Variants in ZNF236 observed in about 807,000 individuals in gnomAD.
ZNF236 encodes regulated by glucose.
A neutral mutation model predicts 191.2 loss-of-function variants in ZNF236; 50 were observed. The ratio of observed to expected loss-of-function variants is 0.26; its 90% CI spans 0.21 to 0.33. The LOEUF is 0.33. Among genes scored for constraint, ZNF236 ranks in the 10% least tolerant of loss-of-function variants. The pLI, the probability that ZNF236 is intolerant of heterozygous loss-of-function variation, is 1.00. For synonymous variants in ZNF236, 907 were observed against 928.8 expected (o/e 0.98, Z 0.43); for missense variants, 1,754 against 2,374.5 (o/e 0.74, Z 5.43).
intron 1 of ZNF236, among the ~76,000 whole-genome samples, chr18:76,827,690 A>G (rs966158134): frequency 6.6e-6 from 1 of 152,238 alleles, no homozygotes; most frequent in Non-Finnish European, 1.5e-5. Flanking sequence ...GAAGAGGCCC[A>G]CTGAAAGAAT....
At chr18:76,957,467 C>T (rs1404244190) in intron 28 of ZNF236, among the ~76,000 whole-genome samples, 2 of 152,232 alleles carry the variant, frequency 1.3e-5, no homozygotes, top group African/African-American at 4.8e-5. Context: ...TCCTCCCTCT[C>T]TGTCCTGAAG....
Position 76,956,186 on chromosome 18 carries a change from G to A in ZNF236, c.5112+4G>A. ...CAAGCGCGCCACGCACCTCAAGGTA[G>A]GCCCACTGTGCCAGGGCACAGCTGT... On this transcript the variant is annotated splice_donor_region_variant and intron_variant, in intron 28 of 30. Coordinates refer to ENST00000320610, the MANE Select transcript of ZNF236 (RefSeq NM_001306089.2). The A allele has an allele frequency of 1.3e-6, 2 of 1,545,020 alleles. No homozygotes were observed. The highest frequency in any genetic ancestry group is 4.9e-5 in the East Asian group (2 of 41,036).
rs572002906 is a variant in ZNF236, at chr18:76,843,567, G to A, written c.56-5959G>A. On this transcript the variant is annotated intron_variant, in intron 1 of 30. Coordinates refer to ENST00000320610, the MANE Select transcript of ZNF236 (RefSeq NM_001306089.2). ...CAGAGGTGGGCGGATCACGAGGTCA[G>A]GAGTTCGAGACCATCCTGACTAACA... Among the ~76,000 whole-genome samples, 107 of 146,046 alleles carry A rather than the reference G, an allele frequency of 7.3e-4. 1 individual carries two copies. The highest frequency in any genetic ancestry group is 1.4e-3 in the Non-Finnish European group (93 of 66,406).
chr18:76,843,803 A>AAAAAAAAAAAAAAAAAAAAAAG lies in ZNF236; in HGVS notation c.56-5721_56-5720insAAAAAAAAAAAAAAAAAAAGAA, dbSNP rs71172383. Among the ~76,000 whole-genome samples, 301 of 62,088 alleles carry AAAAAAAAAAAAAAAAAAAAAAG rather than the reference A, an allele frequency of 4.8e-3. 111 individuals are homozygous for AAAAAAAAAAAAAAAAAAAAAAG. The highest frequency in any genetic ancestry group is 5.9e-3 in the East Asian group (11 of 1,858). 40.7% of individuals were successfully genotyped at this position (62,088 alleles called of 152,430 possible). On this transcript the variant is annotated intron_variant, in intron 1 of 30. Coordinates refer to ENST00000320610, the MANE Select transcript of ZNF236 (RefSeq NM_001306089.2). ...AAAAAAAAAAAAAAAAAAAAAAAAA[A>AAAAAAAAAAAAAAAAAAAAAAG]AAGTAAAGAAGAGACCGGGCGCAGT...
At chr18:76,866,760 G>A (rs1398402555) in intron 3 of ZNF236, among the ~76,000 whole-genome samples, 2 of 152,196 alleles carry the variant, frequency 1.3e-5, no homozygotes, top group Non-Finnish European at 2.9e-5. Flanking sequence ...AGTGGCCTGT[G>A]ACTATACATG....
Position 76,919,919 on chromosome 18 carries a change from G to A in ZNF236, c.3418G>A (p.Val1140Ile). The A allele has an allele frequency of 6.2e-7, 1 of 1,614,188 alleles. No individual in the cohort carries two copies. The highest frequency in any genetic ancestry group is 8.5e-7 in the Non-Finnish European group (1 of 1,180,044). The change falls in exon 20 of 31, where the codon GTC becomes ATC. Residue 1140 changes from valine to isoleucine, a missense_variant. Around this residue, in one of 5 missense-constraint regions of ZNF236, gnomAD observed 641 missense variants for 869.6 expected, o/e 0.74. Transcript: ENST00000320610. This position sits in a 1 kb window ranked among gnomAD's most constrained non-coding sequence, Gnocchi z 5.3. Reference sequence around the variant, plus strand: ...GGAGAGCGCCACGGTGTCAGAGAAGGTCCTGGTGCAGTCCGCGGCAGAAAA... The same window carrying A: ...GGAGAGCGCCACGGTGTCAGAGAAGATCCTGGTGCAGTCCGCGGCAGAAAA... ...PQESATVSEK[V>I]LVQSAAEKDR... is the part of the protein sequence containing the mutation.
At chr18:76,955,660 C>T (rs1191909018) in intron 27 of ZNF236, among the ~76,000 whole-genome samples, 4 of 152,172 alleles carry the variant, frequency 2.6e-5, no homozygotes, top group East Asian at 3.8e-4. Context: ...CATGAGGACG[C>T]GACCACGGAC....
At chr18:76,966,436 G>A (rs989003319) in intron 30 of ZNF236, among the ~76,000 whole-genome samples, 3 of 152,138 alleles carry the variant, frequency 2.0e-5, no homozygotes, top group Non-Finnish European at 4.4e-5. Flanking sequence ...TAAAATGGCA[G>A]CCCAGAACCT....
chr18:76,917,660 GCTGT>G (rs1044445228), intron 19 of ZNF236, among the ~76,000 whole-genome samples: 6 of 152,144 alleles, frequency 3.9e-5, no homozygotes, highest in African/African-American at 2.4e-5. Flanking sequence ...ACTGTTTCAT[GCTGT>G]CTGTCTGTCG....
intron 3 of ZNF236, among the ~76,000 whole-genome samples, chr18:76,853,281 G>T (rs920396162): frequency 1.1e-4 from 16 of 151,926 alleles, no homozygotes; most frequent in African/African-American, 3.9e-4. Context: ...GTTTCACCAT[G>T]TTGGCCAAGC....
Position 76,928,207 on chromosome 18 carries a change from G to A in ZNF236, c.4594+101G>A, listed in dbSNP as rs534035334. On this transcript the variant is annotated intron_variant, in intron 25 of 30. Transcript: ENST00000320610. ...CAATACTCTGCTGTGCATAAAGCCC[G>A]TGCTCAATATGTATTTATAATTTAT... is the stretch of plus-strand genomic sequence containing the variant. The A allele has an allele frequency of 1.2e-4, 101 of 877,756 alleles. 1 individual carries two copies. The South Asian group carries it at 2.6e-3, about 23-fold the overall frequency. The allele number at this position is 877,756 out of a possible 1,614,324, so 54.4% of individuals were successfully genotyped here. A position where few individuals can be genotyped will look rare whatever the true frequency, so the allele number is the denominator to read the frequency against.
chr18:76,846,662 TTA>T (rs564741507), intron 1 of ZNF236, among the ~76,000 whole-genome samples: 62 of 152,360 alleles, frequency 4.1e-4, no homozygotes, highest in African/African-American at 1.4e-3. Context: ...TAATTCTGTG[TTA>T]TATCACTGTT....
intron 26 of ZNF236, among the ~76,000 whole-genome samples, chr18:76,945,373 G>T (rs968542705): frequency 6.6e-6 from 1 of 152,202 alleles, no homozygotes; most frequent in African/African-American, 2.4e-5. Context: ...GATAAGGGTG[G>T]TGGCAGCAGC....
At chr18:76,828,612 A>T (rs1042916336) in intron 1 of ZNF236, among the ~76,000 whole-genome samples, 4 of 152,230 alleles carry the variant, frequency 2.6e-5, no homozygotes, top group African/African-American at 9.6e-5. Context: ...CTATCCAAGG[A>T]TGAAACCCTC....
intron 1 of ZNF236, among the ~76,000 whole-genome samples, chr18:76,848,973 C>G (rs529839880): frequency 9.6e-4 from 146 of 152,252 alleles, no homozygotes; most frequent in Admixed American, 2.3e-3. Flanking sequence ...TTCTTTTTTA[C>G]TTAATCTTGT....
intron 7 of ZNF236, among the ~76,000 whole-genome samples, chr18:76,878,758 T>C (rs1414170524): frequency 6.6e-6 from 1 of 152,212 alleles, no homozygotes; most frequent in Non-Finnish European, 1.5e-5. Context: ...GCATCAACTA[T>C]AGGTATCTTA....
At chr18:76,938,286 G>C (rs150857077) in intron 26 of ZNF236, among the ~76,000 whole-genome samples, 6 of 151,992 alleles carry the variant, frequency 3.9e-5, no homozygotes, top group South Asian at 2.1e-4. Context: ...GGTACTCCGG[G>C]GGCTGAGGTG....
At chr18:76,911,202 T>G (rs1272550431) in intron 16 of ZNF236, among the ~76,000 whole-genome samples, 4 of 152,244 alleles carry the variant, frequency 2.6e-5, no homozygotes, top group African/African-American at 9.6e-5. Flanking sequence ...TAAAAAATAT[T>G]TAAATGCATC....
chr18:76,913,927 A>G, intron 18 of ZNF236, 29 bp downstream of exon 18: 2 of 1,610,200 alleles, frequency 1.2e-6, no homozygotes, highest in Non-Finnish European at 1.7e-6. Flanking sequence ...CTTGGAGATT[A>G]GTCCTTTAAA....
Sources: gnomAD v4.1 joint callset for allele counts (sites outside exome capture counted in the v4.1 genomes callset) on GRCh38, gnomAD v4.1.1 for gene constraint, gnomAD v4.1.1 regional missense constraint, Gnocchi (gnomAD v3.1) non-coding constraint, MANE v1.5 for transcripts, NCBI Gene and HGNC (gene_info 2026-07-23, HGNC 2026-07-21) for gene names.